The following INTS14 variants were observed in gnomAD, a reference collection of about 807,000 sequenced individuals.
INTS14 encodes integrator complex subunit 14, also known as UPF0464 protein C15orf44.
Under a neutral mutation model 56.9 loss-of-function variants are expected in INTS14, and 27 were observed. That is an observed-to-expected ratio of 0.47 (90% CI 0.35 to 0.65). The LOEUF (loss-of-function observed/expected upper bound fraction) is 0.65. Ranked by LOEUF, INTS14 falls within the 30% of genes least tolerant of loss-of-function variation. INTS14 has a pLI of 0.00. For synonymous variants in INTS14, 207 were observed against 236.2 expected, an observed-to-expected ratio of 0.88 and a Z score of 1.13; for missense variants, 517 against 632.2, an observed-to-expected ratio of 0.82 and a Z score of 1.95.
chr15:65,599,937 TA>T lies in INTS14; in HGVS notation c.331-9del. On this transcript the variant is annotated splice_polypyrimidine_tract_variant and intron_variant, in intron 3 of 11. Coordinates refer to ENST00000313182, the MANE Select transcript of INTS14 (RefSeq NM_001394796.1). ...GTCTGTCACCAGGACAACCTGTTTG[TA>T]AAAAGAGAGAGAGGAGGTTGTACAT... is the stretch of plus-strand genomic sequence containing the variant. 6.2e-7 allele frequency: 1 copy of T among 1,608,554 alleles called. No homozygotes were observed. Among genetic ancestry groups the T allele is most frequent in the Non-Finnish European group, 8.5e-7 (1 of 1,177,702 alleles).
Position 65,579,482 on chromosome 15 carries a change from CAG to C in INTS14, c.1481_1482del (p.Ser494Ter). The C allele has an allele frequency of 1.9e-6, 3 of 1,614,252 alleles. No individual in the cohort carries two copies. The highest frequency in any genetic ancestry group is 2.5e-6 in the Non-Finnish European group (3 of 1,180,050). ...ATGTTCTGGTCATAAGCGGCATACT[CAG>C]AGGTGCCGGTACTGGCCAGCTTGAG... ...QQLKLASTGT[S>X]EYAAYDQNIT... On this transcript the variant is annotated frameshift_variant, in exon 12 of 12. Coordinates refer to ENST00000313182, the MANE Select transcript of INTS14 (RefSeq NM_001394796.1). LOFTEE classifies it high-confidence loss of function.
chr15:65,580,436 A>C (rs2072559431), intron 11 of INTS14, among the ~76,000 whole-genome samples: 1 of 152,216 alleles, frequency 6.6e-6, no homozygotes, highest in African/African-American at 2.4e-5. Context: ...GTGTGTCATC[A>C]TGAGTAAATA....
chr15:65,597,834 T>C (rs1203395902), intron 6 of INTS14, among the ~76,000 whole-genome samples: 5 of 152,208 alleles, frequency 3.3e-5, no homozygotes. Context: ...GATTTCCAAC[T>C]CTAATAATTC....
Position 65,579,259 on chromosome 15 carries a change from A to G in INTS14, c.*149T>C. The G allele has an allele frequency of 9.3e-7, 1 of 1,071,776 alleles. No individual in the cohort carries two copies. The highest frequency in any genetic ancestry group is 2.5e-5 in the East Asian group (1 of 40,366). The allele number at this position is 1,071,776 out of a possible 1,614,324, so 66.4% of individuals were successfully genotyped here. Reference sequence around the variant, plus strand: ...ACCTTCACATCCTTCTCATACTAGTAGAGTCATTCAAAACAGCAAGTGGTG... The same window carrying G: ...ACCTTCACATCCTTCTCATACTAGTGGAGTCATTCAAAACAGCAAGTGGTG... On this transcript the variant is annotated 3_prime_UTR_variant, in exon 12 of 12. Coordinates refer to ENST00000313182, the MANE Select transcript of INTS14 (RefSeq NM_001394796.1).
chr15:65,594,441 G>A (rs1197184953), intron 7 of INTS14, among the ~76,000 whole-genome samples: 8 of 149,730 alleles, frequency 5.3e-5, no homozygotes, highest in Non-Finnish European at 1.2e-4. Flanking sequence ...TGCTCAGGCT[G>A]GAGTGCAGTG....
At chr15:65,590,128 C>A (rs1263808707) in intron 9 of INTS14, among the ~76,000 whole-genome samples, 1 of 152,148 alleles carries the variant, frequency 6.6e-6, no homozygotes, top group African/African-American at 2.4e-5. Flanking sequence ...CTTTTACCCC[C>A]AGCTATTGCC....
At chr15:65,600,739 A>G (rs1434305537) in intron 3 of INTS14, among the ~76,000 whole-genome samples, 5 of 152,170 alleles carry the variant, frequency 3.3e-5, no homozygotes, top group Non-Finnish European at 7.4e-5. Flanking sequence ...AAAGAATACT[A>G]TATCTTAATT....
chr15:65,605,288 A>G (rs1421319438), intron 2 of INTS14, 52 bp from the exon 3 acceptor site: 1 of 1,355,008 alleles, frequency 7.4e-7, no homozygotes. Flanking sequence ...TTAATTAGGT[A>G]TTAGAAAACA....
intron 9 of INTS14, among the ~76,000 whole-genome samples, chr15:65,587,225 G>A (rs1196146629): frequency 6.6e-6 from 1 of 151,350 alleles, no homozygotes; most frequent in East Asian, 1.9e-4. Flanking sequence ...CTTTTTTTCA[G>A]GAGGAGTTAT....
intron 1 of INTS14, among the ~76,000 whole-genome samples, chr15:65,608,794 C>T (rs1274565713): frequency 6.6e-6 from 1 of 152,196 alleles, no homozygotes; most frequent in African/African-American, 2.4e-5. Flanking sequence ...ATGTTCACAA[C>T]TTTCTTTTTT....
In INTS14 at chr15:65,578,856, G is replaced by C. The variant is rs1471979896; in HGVS notation, c.*552C>G. 1 of 152,116 alleles carries C rather than the reference G, an allele frequency of 6.6e-6. No individual in the cohort carries two copies. Among genetic ancestry groups the C allele is most frequent in the African/African-American group, 2.4e-5 (1 of 41,388 alleles). The allele number at this position is 152,116 out of a possible 1,614,324, so 9.4% of individuals were successfully genotyped here. On this transcript the variant is annotated 3_prime_UTR_variant, in exon 12 of 12. Transcript: ENST00000313182. The stretch of plus-strand genomic sequence containing the variant: ...GGAATCATTTTACACATTAATGGTT[G>C]CTCTTTAAAAGTTAGAATCTCAAGA...
intron 10 of INTS14, among the ~76,000 whole-genome samples, chr15:65,582,684 C>T (rs2072669642): frequency 1.3e-5 from 2 of 152,150 alleles, no homozygotes; most frequent in South Asian, 2.1e-4. Context: ...GCACAAACAA[C>T]AAAAGCAAGA....
intron 9 of INTS14, among the ~76,000 whole-genome samples, chr15:65,590,851 G>C (rs1419583058): frequency 1.3e-5 from 2 of 152,180 alleles, no homozygotes; most frequent in South Asian, 2.1e-4. Flanking sequence ...AACCTGAGTA[G>C]CTAGTGGCAC....
At chr15:65,597,589 G>A (rs2073260842) in intron 6 of INTS14, among the ~76,000 whole-genome samples, 2 of 152,174 alleles carry the variant, frequency 1.3e-5, no homozygotes, top group South Asian at 2.1e-4. Flanking sequence ...AATATAAGCA[G>A]CAGTGCTAGA....
chr15:65,609,711 G>A (rs1566935633), intron 1 of INTS14, among the ~76,000 whole-genome samples: 2 of 152,168 alleles, frequency 1.3e-5, no homozygotes, highest in African/African-American at 4.8e-5. Flanking sequence ...CGTCTGCCCA[G>A]CTCCTGTGGT....
At position 65,579,240 on chromosome 15, in the gene INTS14, A is replaced by G. The variant is rs2072484719; in HGVS notation, c.*168T>C. 1 of 942,148 alleles carries G rather than the reference A, an allele frequency of 1.1e-6. No individual in the cohort carries two copies. The allele number at this position is 942,148 out of a possible 1,614,324, so 58.4% of individuals were successfully genotyped here. A position where few individuals can be genotyped will look rare whatever the true frequency, so the allele number is the denominator to read the frequency against. Reference sequence around the variant, plus strand: ...AAAGCCCAACCAGCCAACCACCTTCACATCCTTCTCATACTAGTAGAGTCA... The same window carrying G: ...AAAGCCCAACCAGCCAACCACCTTCGCATCCTTCTCATACTAGTAGAGTCA... On this transcript the variant is annotated 3_prime_UTR_variant, in exon 12 of 12. Transcript: ENST00000313182.
chr15:65,607,095 T>C, intron 2 of INTS14, 64 bp downstream of exon 2: 1 of 1,572,850 alleles, frequency 6.4e-7, no homozygotes, highest in Non-Finnish European at 8.7e-7. Flanking sequence ...CAACGCATTA[T>C]AACACTGTTT....
At position 65,607,243 on chromosome 15, in the gene INTS14, G is replaced by A. The variant is rs1165873073; in HGVS notation, c.138C>T (p.Tyr46=). ...CCACAAGTGCTGTAAATTCAAGCTT[G>A]TAATTTGTGGCCATGTGCTCAAACA... The part of the protein sequence containing the change: ...TMLFEHMATN[Y]KLEFTALVVF... The change falls in exon 2 of 12, where the codon TAC becomes TAT. Residue 46 remains tyrosine, a synonymous_variant. Coordinates refer to ENST00000313182, the MANE Select transcript of INTS14 (RefSeq NM_001394796.1). 3.1e-6 allele frequency: 5 copies of A among 1,614,222 alleles called. No homozygotes were observed. The highest frequency in any genetic ancestry group is 4.2e-6 in the Non-Finnish European group (5 of 1,180,050).
At chr15:65,598,791 G>T in intron 5 of INTS14, 81 bp downstream of exon 5, 2 of 1,150,578 alleles carry the variant, frequency 1.7e-6, no homozygotes, top group Non-Finnish European at 2.5e-6. Flanking sequence ...ATTAGGAACA[G>T]TAAAACAGAT....
Sources: allele counts gnomAD v4.1 joint callset (sites outside exome capture counted in the v4.1 genomes callset), GRCh38; gene constraint gnomAD v4.1.1; transcripts MANE v1.5; gene names NCBI Gene and HGNC (gene_info 2026-07-23, HGNC 2026-07-21).